Variants in DNM3 observed in about 807,000 individuals in gnomAD.
DNM3 encodes dynamin-3.
A neutral mutation model predicts 101.6 loss-of-function variants in DNM3; 47 were observed. The observed-to-expected ratio is 0.46, with a 90% CI of 0.37 to 0.59. The LOEUF is 0.59. Ranked by LOEUF, DNM3 falls within the 20% of genes least tolerant of loss-of-function variation. The pLI, the probability that DNM3 is intolerant of heterozygous loss-of-function variation, is 0.00. For missense variants in DNM3, 849 were observed against 1,085.7 expected (o/e 0.78, Z 3.06); for synonymous variants, 385 against 387.9 (o/e 0.99, Z 0.09).
chr1:172,264,221 G>A (rs2062775293), intron 15 of DNM3, among the ~76,000 whole-genome samples: 1 of 152,208 alleles, frequency 6.6e-6, no homozygotes, highest in South Asian at 2.1e-4. Context: ...CTCTTCTGAT[G>A]AGAAGAAGCT....
intron 10 of DNM3, among the ~76,000 whole-genome samples, chr1:172,067,345 C>G (rs1421229652): frequency 3.9e-5 from 6 of 152,174 alleles, no homozygotes; most frequent in African/African-American, 1.4e-4. Context: ...GCCCACTTTT[C>G]TCCATTTCCA....
At chr1:171,880,865 G>C (rs1372920111) in intron 1 of DNM3, among the ~76,000 whole-genome samples, 1 of 151,854 alleles carries the variant, frequency 6.6e-6, no homozygotes, top group East Asian at 1.9e-4. Flanking sequence ...TATCAACCAG[G>C]AGTTCTATTC....
rs559093995 is a variant in DNM3 at position 172,031,057 on chromosome 1, T to C, written c.590-1345T>C. ...TCTAGCAATTCCATTACTGGGTATA[T>C]ACCCAAAGAAATATAAATTATTCTA... On this transcript the variant is annotated intron_variant, in intron 4 of 20. Transcript: ENST00000627582. Among the ~76,000 whole-genome samples, 35 of 152,278 alleles carry C rather than the reference T, an allele frequency of 2.3e-4. No individual in the cohort carries two copies. The South Asian group carries it at 5.4e-3, about 23-fold the overall frequency.
At chr1:172,135,786 A>G (rs1400890707) in intron 14 of DNM3, among the ~76,000 whole-genome samples, 1 of 152,082 alleles carries the variant, frequency 6.6e-6, no homozygotes, top group Non-Finnish European at 1.5e-5. Context: ...TCTTTAACTT[A>G]TGTCTAAAAT....
chr1:171,902,625 T>C (rs1466603461), intron 1 of DNM3, among the ~76,000 whole-genome samples: 1 of 152,046 alleles, frequency 6.6e-6, no homozygotes, highest in African/African-American at 2.4e-5. Flanking sequence ...ATCTTTTTTT[T>C]TTTAAACTAA....
chr1:171,904,293 G>A (rs1214992850), intron 1 of DNM3, among the ~76,000 whole-genome samples: 1 of 152,158 alleles, frequency 6.6e-6, no homozygotes, highest in Non-Finnish European at 1.5e-5. Context: ...GTGCGGCAGA[G>A]TAAGACCCTG....
chr1:172,368,441 A>G (rs1003945909), intron 17 of DNM3, among the ~76,000 whole-genome samples: 1 of 151,934 alleles, frequency 6.6e-6, no homozygotes, highest in African/African-American at 2.4e-5. Context: ...AAATATAAAC[A>G]TAATATATCA....
At chr1:172,008,239 C>A (rs12059659) in intron 4 of DNM3, among the ~76,000 whole-genome samples, 4,811 of 151,750 alleles carry the variant, frequency 0.032, 239 homozygotes, top group African/African-American at 0.11. Flanking sequence ...GCTTTTGTTG[C>A]CTGTACTTTC....
At position 172,033,144 on chromosome 1, in the gene DNM3, A is replaced by T; in HGVS notation, c.728A>T (p.Asp243Val). Residue 243 changes from aspartate to valine, a missense_variant, in exon 6 of 21, where the codon GAT becomes GTT. Asp to Val is a radical substitution (Grantham distance 152). Transcript: ENST00000627582. ...GVVNRSQKDI[D>V]GKKDIKAAML... is the part of the protein sequence containing the mutation. The stretch of plus-strand genomic sequence containing the variant: ...GTAAACAGAAGCCAGAAGGACATAG[A>T]TGGGAAGAAGGACATAAAGGCAGCC... The T allele has an allele frequency of 6.2e-7, 1 of 1,612,644 alleles. No homozygotes were observed. The highest frequency in any genetic ancestry group is 1.3e-5 in the African/African-American group (1 of 74,974).
chr1:171,968,409 A>G (rs902521127), intron 2 of DNM3, among the ~76,000 whole-genome samples: 13 of 152,172 alleles, frequency 8.5e-5, no homozygotes, highest in Admixed American at 5.9e-4. Context: ...AATTGAGCAG[A>G]GGTTGGTTTA....
intron 13 of DNM3, among the ~76,000 whole-genome samples, chr1:172,105,515 G>T (rs60165186): frequency 0.066 from 10,104 of 152,166 alleles, 1,070 homozygotes; most frequent in African/African-American, 0.23. Context: ...TTTAATTATT[G>T]CAGCAGTCTG....
At chr1:171,913,753 A>C in intron 1 of DNM3, among the ~76,000 whole-genome samples, 1 of 151,934 alleles carries the variant, frequency 6.6e-6, no homozygotes, top group East Asian at 1.9e-4. Flanking sequence ...GTATATTGAA[A>C]TATTGTGAGA....
chr1:171,887,661 T>C (rs1051263944), intron 1 of DNM3, among the ~76,000 whole-genome samples: 6 of 152,318 alleles, frequency 3.9e-5, no homozygotes, highest in African/African-American at 1.4e-4. Flanking sequence ...GATAAAATTC[T>C]TTCACGTGGT....
chr1:172,288,167 C>T (rs954016019), intron 15 of DNM3, among the ~76,000 whole-genome samples: 16 of 152,156 alleles, frequency 1.1e-4, no homozygotes, highest in Admixed American at 9.8e-4. Context: ...TGATAACAAA[C>T]AGTAATTACT....
intron 1 of DNM3, among the ~76,000 whole-genome samples, chr1:171,898,405 AT>A (rs1272325712): frequency 1.3e-5 from 2 of 152,158 alleles, no homozygotes; most frequent in African/African-American, 4.8e-5. Flanking sequence ...AATAAAATTT[AT>A]TTTAAATCTT....
intron 2 of DNM3, among the ~76,000 whole-genome samples, chr1:171,923,946 A>G (rs145922596): frequency 4.6e-5 from 7 of 151,666 alleles, no homozygotes; most frequent in African/African-American, 1.2e-4. Flanking sequence ...TTTATTTCCT[A>G]TTTCTGTTAT....
At chr1:171,979,686 C>T (rs2044641776) in intron 2 of DNM3, among the ~76,000 whole-genome samples, 1 of 152,206 alleles carries the variant, frequency 6.6e-6, no homozygotes, top group African/African-American at 2.4e-5. Context: ...TTCCAGTTAC[C>T]TGGGGCCCCT....
rs185421164 is a variant in DNM3, at chr1:172,304,480, A to G, written c.1770-4248A>G. On this transcript the variant is annotated intron_variant, in intron 15 of 20. Coordinates refer to ENST00000627582, the MANE Select transcript of DNM3 (RefSeq NM_015569.5). ...TCAATATTAGACAGATCAACGAGAC[A>G]GAAGGTTAACAAGGATATCAAGGAA... 1.2e-4 allele frequency among the ~76,000 whole-genome samples: 19 copies of G among 152,286 alleles called. No individual in the cohort carries two copies. The East Asian group carries it at 3.7e-3, about 29-fold the overall frequency.
intron 14 of DNM3, among the ~76,000 whole-genome samples, chr1:172,213,821 C>G (rs2060598833): frequency 6.7e-6 from 1 of 149,702 alleles, no homozygotes. Context: ...GAGCAAGACT[C>G]TGTCTCAAAA....
Sources: allele counts gnomAD v4.1 joint callset (sites outside exome capture counted in the v4.1 genomes callset), GRCh38; gene constraint gnomAD v4.1.1; transcripts MANE v1.5; gene names NCBI Gene and HGNC (gene_info 2026-07-23, HGNC 2026-07-21).